MEIOB: variants seen among roughly 807,000 people sequenced by gnomAD.
The protein encoded by MEIOB is meiosis-specific with OB domain-containing protein.
MEIOB carries 50 observed loss-of-function variants against 53.1 expected under a neutral mutation model. That is an observed-to-expected ratio of 0.94 (90% confidence interval 0.75 to 1.19). The LOEUF (loss-of-function observed/expected upper bound fraction) is 1.19. Ranked by LOEUF, MEIOB falls within the 50% of genes most tolerant of loss-of-function variation. The pLI, the probability that MEIOB is intolerant of heterozygous loss-of-function variation, is 0.00. For synonymous variants in MEIOB, 192 were observed against 182.5 expected (o/e 1.05, Z -0.42); for missense variants, 551 against 550.8 (o/e 1.00, Z 0.00).
intron 3 of MEIOB, 27 bp from the exon 4 acceptor site, chr16:1,862,143 T>C (rs959044174): frequency 1.3e-6 from 2 of 1,534,848 alleles, no homozygotes; most frequent in African/African-American, 1.4e-5. Context: ...GCTTTTATTT[T>C]TCAAATGAAG....
chr16:1,839,671 T>G, intron 11 of MEIOB: 9 of 434,424 alleles, frequency 2.1e-5, no homozygotes, highest in Non-Finnish European at 3.3e-5. Context: ...CCTGCCCTCC[T>G]TCCCTCCCTC....
At chr16:1,869,996 C>T (rs1489132500) in intron 1 of MEIOB, among the ~76,000 whole-genome samples, 2 of 151,732 alleles carry the variant, frequency 1.3e-5, no homozygotes, top group East Asian at 1.9e-4. Context: ...CTCAGCCTCC[C>T]GAGTAGCTGG....
chr16:1,870,027 T>A (rs2575334), intron 1 of MEIOB, among the ~76,000 whole-genome samples: 124,965 of 151,478 alleles, frequency 0.82, 51,666 homozygotes, highest in Middle Eastern at 0.9. Flanking sequence ...ATGTGTCACC[T>A]CACCCAGCTA....
intron 4 of MEIOB, among the ~76,000 whole-genome samples, chr16:1,861,683 C>T (rs933316454): frequency 2.0e-5 from 3 of 151,768 alleles, no homozygotes; most frequent in African/African-American, 7.3e-5. Context: ...GCTGGTACTA[C>T]AGGCCCACGC....
intron 9 of MEIOB, among the ~76,000 whole-genome samples, chr16:1,849,105 CA>C (rs142077410): frequency 0.13 from 19,440 of 151,802 alleles, 1,223 homozygotes; most frequent in East Asian, 0.16. Context: ...AGAAACACTG[CA>C]AAACCCCGTC....
At chr16:1,860,218 A>T (rs391288) in intron 5 of MEIOB, among the ~76,000 whole-genome samples, 185 bp downstream of exon 5, 125,698 of 152,242 alleles carry the variant, frequency 0.83, 52,018 homozygotes, top group Middle Eastern at 0.9. Context: ...AAAGCCATTT[A>T]TCATGTGACT....
intron 9 of MEIOB, among the ~76,000 whole-genome samples, chr16:1,847,982 C>G (rs2142084818): frequency 6.6e-6 from 1 of 152,222 alleles, no homozygotes; most frequent in African/African-American, 2.4e-5. Context: ...GGGTCTTGCT[C>G]TGTCACCGAG....
intron 5 of MEIOB, among the ~76,000 whole-genome samples, chr16:1,859,485 G>A (rs1596980586): frequency 1.3e-5 from 2 of 152,176 alleles, no homozygotes; most frequent in East Asian, 3.8e-4. Context: ...AGGTTACAGT[G>A]AGCCGAGATC....
chr16:1,863,134 G>T (rs1899489740), intron 3 of MEIOB, among the ~76,000 whole-genome samples: 1 of 151,916 alleles, frequency 6.6e-6, no homozygotes, highest in Admixed American at 6.6e-5. Flanking sequence ...AGGAGGAAAG[G>T]TTGCTTGAGC....
intron 3 of MEIOB, among the ~76,000 whole-genome samples, chr16:1,863,683 T>C (rs1419831205): frequency 1.3e-5 from 2 of 151,652 alleles, no homozygotes; most frequent in African/African-American, 4.8e-5. Context: ...TGAGACAAGG[T>C]TTTTTAGTAG....
chr16:1,861,611 T>A (rs1207668913), intron 4 of MEIOB, among the ~76,000 whole-genome samples: 1 of 150,322 alleles, frequency 6.7e-6, no homozygotes, highest in African/African-American at 2.5e-5. Context: ...GGTACGATGT[T>A]GGCTCGCTGC....
intron 7 of MEIOB, among the ~76,000 whole-genome samples, chr16:1,853,737 C>T (rs1899228655): frequency 6.6e-6 from 1 of 152,188 alleles, no homozygotes; most frequent in South Asian, 2.1e-4. Flanking sequence ...GTGCAGTCCC[C>T]ACCCTGGCCC....
chr16:1,839,119 G>T (rs368894113), intron 12 of MEIOB, 136 bp downstream of exon 12: 5 of 1,016,202 alleles, frequency 4.9e-6, no homozygotes, highest in East Asian at 5.4e-5. Context: ...TGTGTTTAAA[G>T]CAAGATGATT....
intron 1 of MEIOB, among the ~76,000 whole-genome samples, chr16:1,868,809 G>C (rs994293249): frequency 6.7e-6 from 1 of 149,060 alleles, no homozygotes; most frequent in Non-Finnish European, 1.5e-5. Context: ...GAGCTGAGAT[G>C]GCACCACTGC....
intron 13 of MEIOB, among the ~76,000 whole-genome samples, chr16:1,837,402 C>T (rs995724280): frequency 1.3e-5 from 2 of 152,106 alleles, no homozygotes; most frequent in Non-Finnish European, 2.9e-5. Flanking sequence ...AGAGGGGTCT[C>T]ACTATGTTGC....
At position 1,853,241 on chromosome 16, in the gene MEIOB, C is replaced by T. The variant is rs1481752169; in HGVS notation, c.660G>A (p.Gln220=). 1.9e-6 allele frequency: 3 copies of T among 1,551,614 alleles called. No individual in the cohort carries two copies. The East Asian group carries it at 7.3e-5, about 38-fold the overall frequency. The change falls in exon 8 of 14, where the codon CAG becomes CAA. Residue 220 remains glutamine (Q), a synonymous_variant. Transcript: ENST00000325962. ...CWDNESILLA[Q]SWMPRETVIF... is the part of the protein sequence containing the mutation. ...TACCTGTTTCTCGTGGCATCCAGCT[C>T]TGTGCAAGTAGAATGGATTCATTAT...
chr16:1,862,342 G>A (rs1048000469), intron 3 of MEIOB, among the ~76,000 whole-genome samples: 1 of 152,146 alleles, frequency 6.6e-6, no homozygotes, highest in African/African-American at 2.4e-5. Context: ...AAGCTGAAGT[G>A]GTAACAGGTT....
chr16:1,847,572 A>AC (rs1357098838), intron 9 of MEIOB, among the ~76,000 whole-genome samples: 1 of 149,786 alleles, frequency 6.7e-6, no homozygotes, highest in African/African-American at 2.5e-5. Flanking sequence ...GGAGTTTGAG[A>AC]CCCCCCAAAA....
At chr16:1,857,636 T>C (rs1596979103) in intron 6 of MEIOB, 99 bp downstream of exon 6, 1 of 852,644 alleles carries the variant, frequency 1.2e-6, no homozygotes, top group Non-Finnish European at 1.8e-6. Flanking sequence ...AGAAGAAAAG[T>C]TACCCCAGCT....
Sources: allele counts gnomAD v4.1 joint callset (sites outside exome capture counted in the v4.1 genomes callset), GRCh38; gene constraint gnomAD v4.1.1; transcripts MANE v1.5; gene names NCBI Gene and HGNC (gene_info 2026-07-23, HGNC 2026-07-21).